Variants in SLC4A10 observed in about 807,000 individuals in gnomAD.
SLC4A10 encodes the protein solute carrier family 4 member 10.
SLC4A10 carries 42 observed loss-of-function variants against 137.7 expected under a neutral mutation model. The ratio of observed to expected loss-of-function variants is 0.30; its 90% CI spans 0.24 to 0.39. The LOEUF is 0.39. Among genes scored for constraint, SLC4A10 ranks in the 10% least tolerant of loss-of-function variants. The probability of loss-of-function intolerance (pLI) is 1.00; values close to 1 mark genes in which losing one functional copy is unlikely to be tolerated. For missense variants in SLC4A10, 925 were observed against 1,355.0 expected (o/e 0.68, Z 4.98); for synonymous variants, 474 against 464.1 (o/e 1.02, Z -0.27).
intron 1 of SLC4A10, among the ~76,000 whole-genome samples, chr2:161,652,859 C>CTTTT (rs10692553): frequency 0.87 from 131,381 of 150,938 alleles, 57,752 homozygotes; most frequent in East Asian, 1. Context: ...ACATTCTTTT[C>CTTTT]TTTTAAGTAT....
At chr2:161,832,190 C>A (rs1416086617) in intron 3 of SLC4A10, among the ~76,000 whole-genome samples, 1 of 152,218 alleles carries the variant, frequency 6.6e-6, no homozygotes, top group Non-Finnish European at 1.5e-5. Flanking sequence ...CCTTTGCACA[C>A]CCTTCTGTGG....
At chr2:161,944,052 G>A (rs1300151596) in intron 16 of SLC4A10, among the ~76,000 whole-genome samples, 1 of 151,772 alleles carries the variant, frequency 6.6e-6, no homozygotes, top group East Asian at 1.9e-4. Context: ...TAAGCCTTCA[G>A]TTACTCTTAT....
chr2:161,739,972 A>G (rs2047719744), intron 1 of SLC4A10, among the ~76,000 whole-genome samples: 2 of 152,168 alleles, frequency 1.3e-5, no homozygotes, highest in East Asian at 3.9e-4. Flanking sequence ...CATCCCTTCA[A>G]TAGGCCAGGT....
intron 19 of SLC4A10, 43 bp from the exon 20 acceptor site, chr2:161,956,946 T>C: frequency 6.5e-7 from 1 of 1,529,886 alleles, no homozygotes; most frequent in South Asian, 1.3e-5. Context: ...TTAGCCCTGT[T>C]ATTGACACAG....
intron 23 of SLC4A10, among the ~76,000 whole-genome samples, chr2:161,971,198 A>G (rs191123454): frequency 6.6e-6 from 1 of 152,402 alleles, no homozygotes; most frequent in East Asian, 1.9e-4. Flanking sequence ...TGCATAGCAC[A>G]TAATACATGC....
chr2:161,842,404 TTTTAA>T (rs1321474218), intron 4 of SLC4A10, among the ~76,000 whole-genome samples: 1 of 152,180 alleles, frequency 6.6e-6, no homozygotes, highest in Non-Finnish European at 1.5e-5. Context: ...AATCTCATTG[TTTTAA>T]TTTGATTATT....
chr2:161,912,946 G>C (rs185965908), intron 15 of SLC4A10, among the ~76,000 whole-genome samples: 1 of 151,920 alleles, frequency 6.6e-6, no homozygotes, highest in Admixed American at 6.6e-5. Flanking sequence ...GCCTGATGTC[G>C]CTAAAACGAT....
rs79075871 is a variant in SLC4A10 at position 161,847,543 on chromosome 2, C to G, written c.417-7427C>G. On this transcript the variant is annotated intron_variant, in intron 4 of 26. Transcript: ENST00000446997. ...GTTTTCGATCATCCCACTCTCCACC[C>G]TCAACTAGGCCTCAGTGTCTGTTGT... Among the ~76,000 whole-genome samples, 1,029 of 152,208 alleles carry G rather than the reference C, an allele frequency of 6.8e-3. 18 individuals are homozygous for G. Among genetic ancestry groups the G allele is most frequent in the African/African-American group, 0.024 (1,002 of 41,548 alleles).
intron 4 of SLC4A10, among the ~76,000 whole-genome samples, chr2:161,854,390 A>C (rs1171509309): frequency 6.6e-6 from 1 of 152,138 alleles, no homozygotes; most frequent in Non-Finnish European, 1.5e-5. Flanking sequence ...TGGCAGAAAC[A>C]CCCAGGGATG....
intron 1 of SLC4A10, among the ~76,000 whole-genome samples, chr2:161,736,915 CAG>C (rs2047402888): frequency 6.6e-6 from 1 of 152,070 alleles, no homozygotes; most frequent in Non-Finnish European, 1.5e-5. Flanking sequence ...GTGCAGTGTG[CAG>C]TGGCACAATC....
intron 1 of SLC4A10, among the ~76,000 whole-genome samples, chr2:161,724,434 T>C (rs1322795808): frequency 6.6e-6 from 1 of 152,220 alleles, no homozygotes; most frequent in African/African-American, 2.4e-5. Context: ...TCGTCACATG[T>C]TTATTCACCA....
At chr2:161,741,705 G>A (rs2047916282) in intron 1 of SLC4A10, among the ~76,000 whole-genome samples, 1 of 152,094 alleles carries the variant, frequency 6.6e-6, no homozygotes, top group Non-Finnish European at 1.5e-5. Flanking sequence ...CATAATAGGT[G>A]TATATATTTA....
At chr2:161,838,127 T>G (rs2058933223) in intron 3 of SLC4A10, among the ~76,000 whole-genome samples, 1 of 152,196 alleles carries the variant, frequency 6.6e-6, no homozygotes, top group Non-Finnish European at 1.5e-5. Context: ...AATGGGACAT[T>G]TTAGAAAGTC....
chr2:161,698,951 G>A (rs2042846652), intron 1 of SLC4A10, among the ~76,000 whole-genome samples: 1 of 152,006 alleles, frequency 6.6e-6, no homozygotes, highest in Admixed American at 6.6e-5. Flanking sequence ...ACTTTTTTTG[G>A]TTGGTAGGCT....
rs548479280 is a variant in SLC4A10, at chr2:161,703,453, A to C, written c.49-67520A>C. Among the ~76,000 whole-genome samples, 241 of 151,770 alleles carry C rather than the reference A, an allele frequency of 1.6e-3. 1 individual carries two copies. The highest frequency in any genetic ancestry group is 5.5e-3 in the African/African-American group (230 of 41,514). On this transcript the variant is annotated intron_variant, in intron 1 of 26. Transcript: ENST00000446997. ...TAGGTGTATATTATTTAAAATACTA[A>C]AACTAAAATATCAATAATGGTTATC... is the stretch of plus-strand genomic sequence containing the variant.
At chr2:161,778,762 AAG>A (rs2052673344) in intron 2 of SLC4A10, among the ~76,000 whole-genome samples, 1 of 152,026 alleles carries the variant, frequency 6.6e-6, no homozygotes, top group Non-Finnish European at 1.5e-5. Context: ...ATTAAATTTA[AAG>A]ATACTTTAAA....
At chr2:161,784,053 C>A (rs976928532) in intron 2 of SLC4A10, among the ~76,000 whole-genome samples, 1 of 151,422 alleles carries the variant, frequency 6.6e-6, no homozygotes. Flanking sequence ...AAAAATTCCA[C>A]GAAAATGTTA....
At chr2:161,854,746 GT>G (rs2060008035) in intron 4 of SLC4A10, among the ~76,000 whole-genome samples, 1 of 151,898 alleles carries the variant, frequency 6.6e-6, no homozygotes, top group African/African-American at 2.4e-5. Flanking sequence ...AATAACATGA[GT>G]TTTCCTTTTT....
chr2:161,962,192 A>G (rs1319338294), intron 21 of SLC4A10, among the ~76,000 whole-genome samples: 1 of 152,206 alleles, frequency 6.6e-6, no homozygotes, highest in Non-Finnish European at 1.5e-5. Context: ...TGGGCTTCTC[A>G]CTGTGAAACA....
Sources: allele counts gnomAD v4.1 joint callset (sites outside exome capture counted in the v4.1 genomes callset), GRCh38; gene constraint gnomAD v4.1.1; transcripts MANE v1.5; gene names NCBI Gene and HGNC (gene_info 2026-07-23, HGNC 2026-07-21).